The following ZNF407 variants were observed in gnomAD, a reference collection of about 807,000 sequenced individuals.
ZNF407 encodes the protein zinc finger protein 407.
ZNF407 carries 17 observed loss-of-function variants against 131.2 expected under a neutral mutation model. The observed-to-expected ratio is 0.13, with a 90% confidence interval of 0.09 to 0.19. The LOEUF is 0.19. ZNF407 is among the 10% of genes least tolerant of loss of function. The probability of loss-of-function intolerance (pLI) is 1.00; values close to 1 mark genes in which losing one functional copy is unlikely to be tolerated. For missense variants in ZNF407, 2,681 were observed against 2,830.6 expected, an observed-to-expected ratio of 0.95 and a Z score of 1.20; for synonymous variants, 1,156 against 1,062.0, an observed-to-expected ratio of 1.09 and a Z score of -1.72.
At chr18:74,714,903 A>G (rs1967856522) in intron 3 of ZNF407, among the ~76,000 whole-genome samples, 1 of 152,080 alleles carries the variant, frequency 6.6e-6, no homozygotes, top group South Asian at 2.1e-4. Context: ...TTCTTGCATA[A>G]ATCTCCTCTG....
chr18:74,698,631 C>T (rs1383715376), intron 3 of ZNF407, among the ~76,000 whole-genome samples: 1 of 152,126 alleles, frequency 6.6e-6, no homozygotes, highest in East Asian at 1.9e-4. Flanking sequence ...GCTCTTTGCT[C>T]CACACTCAGC....
intron 8 of ZNF407, among the ~76,000 whole-genome samples, chr18:74,978,339 G>A (rs1174923271): frequency 1.3e-5 from 2 of 152,154 alleles, no homozygotes; most frequent in African/African-American, 4.8e-5. Context: ...TCATCAAATA[G>A]GTCGTAAGGA....
chr18:75,047,893 A>G lies in ZNF407; in HGVS notation c.5429-15257A>G, dbSNP rs59126200. Among the ~76,000 whole-genome samples, 1,298 of 152,292 alleles carry G rather than the reference A, an allele frequency of 8.5e-3. 25 individuals carry two copies. Among genetic ancestry groups the G allele is most frequent in the African/African-American group, 0.029 (1,207 of 41,558 alleles). On this transcript the variant is annotated intron_variant, in intron 8 of 8. Transcript: ENST00000299687. ...AGGAAAGAGTGGAGTATCTTTGTTG[A>G]GAAAAATACCTGATGACGTTTAATA...
chr18:74,985,535 A>G (rs1213222699), intron 8 of ZNF407, among the ~76,000 whole-genome samples: 1 of 152,228 alleles, frequency 6.6e-6, no homozygotes, highest in African/African-American at 2.4e-5. Flanking sequence ...GAAAGCAAAC[A>G]AAAATAAGGA....
chr18:74,921,876 T>G (rs1971851240), intron 8 of ZNF407, among the ~76,000 whole-genome samples: 1 of 152,204 alleles, frequency 6.6e-6, no homozygotes, highest in African/African-American at 2.4e-5. Context: ...TCGCAAAATA[T>G]CTATGTTATA....
At chr18:75,053,102 G>A (rs973798381) in intron 8 of ZNF407, among the ~76,000 whole-genome samples, 1 of 152,114 alleles carries the variant, frequency 6.6e-6, no homozygotes, top group African/African-American at 2.4e-5. Context: ...TACCTTATTG[G>A]ACTTACTACC....
intron 8 of ZNF407, among the ~76,000 whole-genome samples, chr18:74,921,562 G>C (rs1281967600): frequency 1.3e-5 from 2 of 152,134 alleles, no homozygotes; most frequent in Non-Finnish European, 2.9e-5. Flanking sequence ...CTCATTATTG[G>C]CCATATGACC....
chr18:74,721,130 A>T (rs928489014), intron 3 of ZNF407, among the ~76,000 whole-genome samples: 14 of 151,982 alleles, frequency 9.2e-5, no homozygotes, highest in East Asian at 3.9e-4. Context: ...TGAACAGGAG[A>T]TGTCTTTCCA....
At chr18:74,899,202 C>T (rs190123405) in intron 7 of ZNF407, among the ~76,000 whole-genome samples, 147 of 152,264 alleles carry the variant, frequency 9.7e-4, no homozygotes, top group Admixed American at 1.7e-3. Flanking sequence ...TTTGCAAAAT[C>T]ACTGGTGCAG....
intron 8 of ZNF407, among the ~76,000 whole-genome samples, chr18:75,047,367 G>A (rs778110418): frequency 2.0e-5 from 3 of 152,194 alleles, no homozygotes; most frequent in African/African-American, 4.8e-5. Flanking sequence ...CAGGGCTGCC[G>A]TACGAGTGAG....
rs1305236510 is a variant in ZNF407, at chr18:74,871,022, A to T, written c.4878-6175A>T. On this transcript the variant is annotated intron_variant, in intron 4 of 8. Transcript: ENST00000299687. ...ACCCAAAATACTTTAAGTATCTCACAATTATGATGCTTATAGATACTGAAT... is the reference window on the plus strand; with the variant it reads ...ACCCAAAATACTTTAAGTATCTCACTATTATGATGCTTATAGATACTGAAT... Among the ~76,000 whole-genome samples the T allele has an allele frequency of 2.0e-5, 3 of 152,178 alleles. No individual in the cohort carries two copies. The East Asian group carries it at 5.8e-4, about 29-fold the overall frequency.
chr18:74,901,160 A>G (rs944765371), intron 7 of ZNF407, among the ~76,000 whole-genome samples: 2 of 152,038 alleles, frequency 1.3e-5, no homozygotes, highest in African/African-American at 4.8e-5. Flanking sequence ...TAAGTCATAT[A>G]TATGGCCCCA....
intron 6 of ZNF407, among the ~76,000 whole-genome samples, chr18:74,882,538 G>A (rs928400431): frequency 6.6e-6 from 1 of 152,312 alleles, no homozygotes; most frequent in Middle Eastern, 3.4e-3. Flanking sequence ...GCATTTGCAA[G>A]ATCAATGCAA....
intron 8 of ZNF407, among the ~76,000 whole-genome samples, chr18:74,962,007 G>A (rs1328066127): frequency 6.6e-6 from 1 of 152,198 alleles, no homozygotes; most frequent in Non-Finnish European, 1.5e-5. Context: ...ATCAAAACTA[G>A]TTTTCATGGA....
chr18:74,971,857 A>G (rs767801590), intron 8 of ZNF407, among the ~76,000 whole-genome samples: 3 of 152,238 alleles, frequency 2.0e-5, no homozygotes, highest in Non-Finnish European at 2.9e-5. Flanking sequence ...TGATAAAGAC[A>G]TACCTGAAAC....
At chr18:74,668,806 T>C (rs1170092542) in intron 3 of ZNF407, among the ~76,000 whole-genome samples, 2 of 152,190 alleles carry the variant, frequency 1.3e-5, no homozygotes, top group South Asian at 2.1e-4. Context: ...AGATTCTTGA[T>C]GTATTTTCAG....
intron 3 of ZNF407, among the ~76,000 whole-genome samples, chr18:74,661,527 T>C (rs1054937408): frequency 6.6e-6 from 1 of 151,728 alleles, no homozygotes; most frequent in Non-Finnish European, 1.5e-5. Flanking sequence ...ATGAGAAATA[T>C]AATTTTTATG....
rs536156203 is a variant in ZNF407 at position 74,812,143 on chromosome 18, G to C, written c.4877+30641G>C. Among the ~76,000 whole-genome samples the C allele has an allele frequency of 4.8e-5, 7 of 146,536 alleles. No homozygotes were observed. The East Asian group carries it at 1.2e-3, about 24-fold the overall frequency. ...CATTGTCTTTGCATGAAGTAGCATGGCAGACTCTCTGAGAGCTGTTTCAGA... is the reference window on the plus strand; with the variant it reads ...CATTGTCTTTGCATGAAGTAGCATGCCAGACTCTCTGAGAGCTGTTTCAGA... On this transcript the variant is annotated intron_variant, in intron 4 of 8. Coordinates refer to ENST00000299687, the MANE Select transcript of ZNF407 (RefSeq NM_017757.3).
Position 74,634,486 on chromosome 18 carries a change from C to G in ZNF407, c.3467C>G (p.Ser1156Cys). Reference protein sequence around the residue: ...DSVEVETEEESNFNEDHSFCE... With the variant: ...DSVEVETEEECNFNEDHSFCE... ...GTAGAAGTTGAGACTGAAGAAGAAT[C>G]TAATTTCAATGAAGACCATTCCTTT... Residue 1156 changes from serine to cysteine, a missense_variant, in exon 2 of 9, where the codon TCT becomes TGT. By Grantham distance (112) the Ser-to-Cys change is moderately radical (BLOSUM62 -1). Around this residue, in one of 6 missense-constraint regions of ZNF407, gnomAD observed 1,789 missense variants for 1,748.7 expected, o/e 1.02. Transcript: ENST00000299687. 1 of 1,613,804 alleles carries G rather than the reference C, an allele frequency of 6.2e-7. No homozygotes were observed. The highest frequency in any genetic ancestry group is 1.1e-5 in the South Asian group (1 of 91,074).
Sources: gnomAD v4.1 joint callset for allele counts (sites outside exome capture counted in the v4.1 genomes callset) on GRCh38, gnomAD v4.1.1 for gene constraint, gnomAD v4.1.1 regional missense constraint, MANE v1.5 for transcripts, NCBI Gene and HGNC (gene_info 2026-07-23, HGNC 2026-07-21) for gene names.